The following MYSM1 variants were observed in gnomAD, a reference collection of about 807,000 sequenced individuals.
MYSM1 encodes deubiquitinase MYSM1.
MYSM1 carries 51 observed loss-of-function variants against 116.0 expected under a neutral mutation model. The observed-to-expected ratio is 0.44, with a 90% CI of 0.35 to 0.56. The LOEUF is 0.56. MYSM1 is among the 20% of genes least tolerant of loss of function. MYSM1 has a pLI of 0.00. For synonymous variants in MYSM1, 313 were observed against 315.2 expected, an observed-to-expected ratio of 0.99 and a Z score of 0.07; for missense variants, 900 against 974.9, an observed-to-expected ratio of 0.92 and a Z score of 1.02.
intron 5 of MYSM1, among the ~76,000 whole-genome samples, chr1:58,689,911 G>C (rs1644879130): frequency 6.6e-6 from 1 of 152,138 alleles, no homozygotes; most frequent in African/African-American, 2.4e-5. Flanking sequence ...TTAACTGACA[G>C]AGTAAAAGAA....
chr1:58,667,264 C>G (rs772636924), intron 15 of MYSM1, 38 bp from the exon 16 acceptor site: 1 of 1,361,680 alleles, frequency 7.3e-7, no homozygotes. Context: ...ATACTAAAAT[C>G]CTGTTAATTC....
intron 15 of MYSM1, 29 bp downstream of exon 15, chr1:58,667,817 TA>T (rs916965916): frequency 2.9e-6 from 4 of 1,396,248 alleles, no homozygotes; most frequent in African/African-American, 2.8e-5. Flanking sequence ...ACTAAATAAC[TA>T]AAACATTTTT....
intron 7 of MYSM1, 126 bp downstream of exon 7, chr1:58,685,027 A>G (rs1051222507): frequency 3.0e-6 from 2 of 663,926 alleles, no homozygotes; most frequent in African/African-American, 3.7e-5. Context: ...GTATAGTACT[A>G]TGTGGGTATA....
At chr1:58,676,808 A>G in intron 9 of MYSM1, 118 bp downstream of exon 9, 2 of 991,132 alleles carry the variant, frequency 2.0e-6, no homozygotes, top group South Asian at 3.5e-5. Flanking sequence ...ATAATGTTAC[A>G]GCACCTCTGA....
chr1:58,678,829 G>C (rs949604027), intron 8 of MYSM1, among the ~76,000 whole-genome samples: 9 of 152,180 alleles, frequency 5.9e-5, no homozygotes, highest in African/African-American at 2.2e-4. Flanking sequence ...ATCCAAAGCA[G>C]AGTGAAAAGT....
chr1:58,666,039 A>C (rs866697533), intron 16 of MYSM1, among the ~76,000 whole-genome samples: 2 of 152,082 alleles, frequency 1.3e-5, no homozygotes, highest in African/African-American at 4.8e-5. Context: ...CCTGGGTGAC[A>C]GAGTAAGACT....
chr1:58,696,036 A>G (rs569156127), intron 1 of MYSM1, among the ~76,000 whole-genome samples: 1 of 152,208 alleles, frequency 6.6e-6, no homozygotes, highest in Non-Finnish European at 1.5e-5. Context: ...TATAAATCTG[A>G]ATCTTTAATT....
intron 7 of MYSM1, among the ~76,000 whole-genome samples, chr1:58,684,938 C>T (rs925197235): frequency 6.6e-6 from 1 of 152,084 alleles, no homozygotes; most frequent in African/African-American, 2.4e-5. Context: ...GTCCATTTAA[C>T]TTTATAAAAT....
rs1644867141 is a variant in MYSM1 at position 58,689,041 on chromosome 1, C to T, written c.396G>A (p.Gly132=). The T allele has an allele frequency of 6.2e-7, 1 of 1,607,036 alleles. No individual in the cohort carries two copies. Among genetic ancestry groups the T allele is most frequent in the South Asian group, 1.1e-5 (1 of 88,978 alleles). Residue 132 remains glycine, a synonymous_variant, in exon 6 of 20, where the codon GGG becomes GGA. Coordinates refer to ENST00000472487, the MANE Select transcript of MYSM1 (RefSeq NM_001085487.3). ...TIEEKELFEQ[G]LAKFGRRWTK... ...AATTTAAAATTGCTCTATTTACCAG[C>T]CCTTGTTCAAACAGCTCTTTTTCTT...
intron 2 of MYSM1, among the ~76,000 whole-genome samples, chr1:58,694,566 A>G (rs990974845): frequency 6.6e-6 from 1 of 152,046 alleles, no homozygotes; most frequent in African/African-American, 2.4e-5. Flanking sequence ...GGTTGCAGTG[A>G]GCCGAGATCA....
At chr1:58,670,824 C>T (rs909667065) in intron 12 of MYSM1, among the ~76,000 whole-genome samples, 2 of 152,086 alleles carry the variant, frequency 1.3e-5, no homozygotes, top group African/African-American at 4.8e-5. Context: ...GTTAATGATA[C>T]AGTGCTACAA....
intron 17 of MYSM1, among the ~76,000 whole-genome samples, chr1:58,663,362 T>A (rs944058787): frequency 6.6e-6 from 1 of 152,130 alleles, no homozygotes; most frequent in African/African-American, 2.4e-5. Context: ...CACTAAAATA[T>A]CAGAAGAAAA....
Position 58,659,574 on chromosome 1 carries a change from T to C in MYSM1, c.*423A>G, listed in dbSNP as rs1481102573. On this transcript the variant is annotated 3_prime_UTR_variant, in exon 20 of 20. Transcript: ENST00000472487. Reference sequence around the variant, plus strand: ...CCCATCCATATCTCATTTATAGCCATAAACAAATCTCAGCAGAATATATGG... The same window carrying C: ...CCCATCCATATCTCATTTATAGCCACAAACAAATCTCAGCAGAATATATGG... 1.3e-5 allele frequency: 2 copies of C among 152,568 alleles called. No homozygotes were observed. Among genetic ancestry groups the C allele is most frequent in the African/African-American group, 4.8e-5 (2 of 41,444 alleles). The allele number at this position is 152,568 out of a possible 1,614,324, so 9.5% of individuals were successfully genotyped here.
intron 11 of MYSM1, among the ~76,000 whole-genome samples, 168 bp from the exon 12 acceptor site, chr1:58,672,126 T>C (rs187142212): frequency 1.3e-5 from 2 of 152,168 alleles, no homozygotes; most frequent in African/African-American, 4.8e-5. Flanking sequence ...ACAGTATTTT[T>C]AAAAAATTGT....
chr1:58,675,569 A>G lies in MYSM1; in HGVS notation c.1402T>C (p.Tyr468His). ...AINFGCEQAV[Y>H]NRPQTVDKVR... ...TTGTCAACTGTTTGTGGCCTATTAT[A>G]CACAGCCTGTTCTATTGGAATTCAG... Residue 468 changes from tyrosine to histidine, a missense_variant, in exon 10 of 20, where the codon TAT becomes CAT. Tyr to His is a moderately conservative substitution (Grantham distance 83). This residue lies in a region of MYSM1 where 622 missense variants were observed against 623.7 expected (regional missense o/e 1.00). Coordinates refer to ENST00000472487, the MANE Select transcript of MYSM1 (RefSeq NM_001085487.3). 5 of 1,613,096 alleles carry G rather than the reference A, an allele frequency of 3.1e-6. No individual in the cohort carries two copies. The South Asian group carries it at 5.5e-5, about 18-fold the overall frequency.
In MYSM1 at chr1:58,673,621, T is replaced by G. The variant is rs912023454; in HGVS notation, c.1524A>C (p.Pro508=). The stretch of plus-strand genomic sequence containing the variant: ...CCTTTGCATCACACCAGTTTCCCCA[T>G]GGGTCTCGGACCCTACGTCTCCTTG... The part of the protein sequence containing the change: ...MRTRRRRVRD[P]WGNWCDAKDL... The change falls in exon 11 of 20, where the codon CCA becomes CCC. Residue 508 remains proline, a synonymous_variant. Coordinates refer to ENST00000472487, the MANE Select transcript of MYSM1 (RefSeq NM_001085487.3). 1.2e-6 allele frequency: 2 copies of G among 1,614,108 alleles called. No homozygotes were observed. The highest frequency in any genetic ancestry group is 3.3e-5 in the Admixed American group (2 of 60,016).
chr1:58,697,879 G>A (rs1462335908), intron 1 of MYSM1, among the ~76,000 whole-genome samples: 4 of 150,334 alleles, frequency 2.7e-5, no homozygotes, highest in Non-Finnish European at 5.9e-5. Flanking sequence ...ATGAGCCACC[G>A]CACCCAGCCA....
At chr1:58,674,123 C>T (rs1289481819) in intron 10 of MYSM1, among the ~76,000 whole-genome samples, 25 of 151,990 alleles carry the variant, frequency 1.6e-4, no homozygotes, top group Admixed American at 1.6e-3. Flanking sequence ...TCCCACCTCC[C>T]GGTTCGAGTG....
chr1:58,671,487 G>C (rs1313420700), intron 12 of MYSM1, among the ~76,000 whole-genome samples: 1 of 152,002 alleles, frequency 6.6e-6, no homozygotes, highest in Admixed American at 6.6e-5. Context: ...ATTTTAAAAG[G>C]CTCAAATTTT....
Sources: gnomAD v4.1 joint callset for allele counts (sites outside exome capture counted in the v4.1 genomes callset) on GRCh38, gnomAD v4.1.1 for gene constraint, gnomAD v4.1.1 regional missense constraint, MANE v1.5 for transcripts, NCBI Gene and HGNC (gene_info 2026-07-23, HGNC 2026-07-21) for gene names.